Variants in OSBPL1A observed in about 807,000 individuals in gnomAD.
OSBPL1A encodes oxysterol binding protein like 1A.
Under a neutral mutation model 137.1 loss-of-function variants are expected in OSBPL1A, and 80 were observed. That is an observed-to-expected ratio of 0.58 (90% CI 0.49 to 0.70). OSBPL1A has a LOEUF of 0.70. Ranked by LOEUF, OSBPL1A falls within the 30% of genes least tolerant of loss-of-function variation. OSBPL1A has a pLI of 0.00. For missense variants in OSBPL1A, 970 were observed against 1,129.4 expected (o/e 0.86, Z 2.02); for synonymous variants, 365 against 389.7 (o/e 0.94, Z 0.75).
At chr18:24,171,880 T>G (rs1177569512) in intron 22 of OSBPL1A, among the ~76,000 whole-genome samples, 1 of 152,066 alleles carries the variant, frequency 6.6e-6, no homozygotes, top group Non-Finnish European at 1.5e-5. Flanking sequence ...GAGACTTTAA[T>G]GAACCCTCTT....
At chr18:24,222,369 A>G (rs1422292732) in intron 17 of OSBPL1A, among the ~76,000 whole-genome samples, 2 of 152,160 alleles carry the variant, frequency 1.3e-5, no homozygotes, top group Non-Finnish European at 1.5e-5. Context: ...TCTACCCTGT[A>G]TTTGGCGGCA....
intron 17 of OSBPL1A, among the ~76,000 whole-genome samples, chr18:24,211,663 TAA>T (rs55928349): frequency 6.9e-5 from 10 of 144,128 alleles, no homozygotes; most frequent in African/African-American, 1.0e-4. Context: ...ACAAGGCAGT[TAA>T]AAAAAAAAAA....
At chr18:24,325,552 C>A (rs559893093) in intron 7 of OSBPL1A, among the ~76,000 whole-genome samples, 3 of 152,218 alleles carry the variant, frequency 2.0e-5, no homozygotes, top group Non-Finnish European at 4.4e-5. Flanking sequence ...CTTTGCATCC[C>A]TTCTAAGATA....
chr18:24,175,126 A>ACG, intron 21 of OSBPL1A, among the ~76,000 whole-genome samples: 2 of 132,522 alleles, frequency 1.5e-5, no homozygotes, highest in African/African-American at 6.4e-5. Flanking sequence ...ATATATATAT[A>ACG]TATATATATA....
chr18:24,247,881 C>A (rs2088950895), intron 15 of OSBPL1A, among the ~76,000 whole-genome samples: 1 of 152,008 alleles, frequency 6.6e-6, no homozygotes, highest in African/African-American at 2.4e-5. Flanking sequence ...AGGGCAGTTG[C>A]TGGAAGGGGT....
chr18:24,336,572 T>C (rs544348569), intron 5 of OSBPL1A, among the ~76,000 whole-genome samples: 8 of 152,388 alleles, frequency 5.2e-5, no homozygotes, highest in African/African-American at 1.9e-4. Context: ...TTTCTGCATA[T>C]ACTTTATATC....
At chr18:24,201,361 G>A (rs747756120) in intron 17 of OSBPL1A, among the ~76,000 whole-genome samples, 1 of 152,218 alleles carries the variant, frequency 6.6e-6, no homozygotes, top group Non-Finnish European at 1.5e-5. Context: ...CATTAAAGAA[G>A]TGTTGACTAA....
chr18:24,211,896 G>A (rs187215294), intron 17 of OSBPL1A, among the ~76,000 whole-genome samples: 24 of 130,910 alleles, frequency 1.8e-4, no homozygotes, highest in Non-Finnish European at 3.4e-4. Flanking sequence ...GCAACAGAGC[G>A]AAACTCCATC....
chr18:24,229,178 G>C (rs141108528), intron 16 of OSBPL1A, among the ~76,000 whole-genome samples: 153 of 152,282 alleles, frequency 1.0e-3, no homozygotes, highest in African/African-American at 3.6e-3. Flanking sequence ...CTCCAGCCTG[G>C]GAGAGACAGC....
intron 4 of OSBPL1A, among the ~76,000 whole-genome samples, chr18:24,346,721 C>T (rs778202168): frequency 2.6e-5 from 4 of 152,004 alleles, no homozygotes; most frequent in Admixed American, 6.6e-5. Flanking sequence ...AATGAATATT[C>T]GAGTCATTTC....
chr18:24,376,234 A>G (rs1405161232), intron 2 of OSBPL1A, among the ~76,000 whole-genome samples: 1 of 151,992 alleles, frequency 6.6e-6, no homozygotes, highest in Non-Finnish European at 1.5e-5. Flanking sequence ...GCTGATTGGT[A>G]CCTTTACAAT....
At chr18:24,270,476 G>C (rs960429739) in intron 15 of OSBPL1A, among the ~76,000 whole-genome samples, 6 of 152,188 alleles carry the variant, frequency 3.9e-5, no homozygotes, top group Non-Finnish European at 5.9e-5. Context: ...ACCTTTAAAG[G>C]GTTTTTAAAG....
intron 13 of OSBPL1A, among the ~76,000 whole-genome samples, chr18:24,308,411 G>A (rs551633220): frequency 2.6e-5 from 4 of 151,716 alleles, no homozygotes; most frequent in Admixed American, 2.0e-4. Context: ...TTTAAGATGG[G>A]GATTCGCCAT....
At position 24,397,823 on chromosome 18, in the gene OSBPL1A, A is replaced by C. The variant is rs554026330; in HGVS notation, c.-171T>G. The C allele has an allele frequency of 6.6e-6, 1 of 152,268 alleles. No homozygotes were observed. Among genetic ancestry groups the C allele is most frequent in the Non-Finnish European group, 1.5e-5 (1 of 68,134 alleles). The allele number at this position is 152,268 out of a possible 1,614,324, so 9.4% of individuals were successfully genotyped here. ...GTCTCCGGGACCCGGCGCCGGGACC[A>C]CGGCGGAGCGCGAGGTGGCGCCGCC... is the stretch of plus-strand genomic sequence containing the variant. On this transcript the variant is annotated 5_prime_UTR_variant, in exon 1 of 28. Transcript: ENST00000319481.
chr18:24,178,173 T>C lies in OSBPL1A; in HGVS notation c.1933A>G (p.Ile645Val). ...LVRDDLGFRL[I>V]SEQVSHHPPI... is the part of the protein sequence containing the mutation. ...GGGTGATGGCTGACCTGTTCGGAGA[T>C]GAGTCTAAATCCAAGGTCATCTCTT... The change falls in exon 21 of 28, where the codon ATC becomes GTC. Residue 645 changes from isoleucine (I) to valine (V), a missense_variant. This residue lies in a region of OSBPL1A where 323 missense variants were observed against 456.8 expected (regional missense o/e 0.71). Coordinates refer to ENST00000319481, the MANE Select transcript of OSBPL1A (RefSeq NM_080597.4). 6.3e-7 allele frequency: 1 copy of C among 1,586,370 alleles called. No individual in the cohort carries two copies. The highest frequency in any genetic ancestry group is 2.3e-5 in the East Asian group (1 of 44,382).
At chr18:24,253,303 C>CA (rs921427505) in intron 15 of OSBPL1A, among the ~76,000 whole-genome samples, 1 of 151,322 alleles carries the variant, frequency 6.6e-6, no homozygotes, top group Non-Finnish European at 1.5e-5. Context: ...CCATGGAAAC[C>CA]AAAAAAGAGT....
intron 16 of OSBPL1A, among the ~76,000 whole-genome samples, chr18:24,239,000 G>T (rs2088592572): frequency 1.3e-5 from 2 of 152,186 alleles, no homozygotes; most frequent in Non-Finnish European, 2.9e-5. Context: ...TTCAGTATAG[G>T]CAGAGACTGT....
chr18:24,272,315 C>T (rs1323366482), intron 15 of OSBPL1A: 1 of 973,248 alleles, frequency 1.0e-6, no homozygotes, highest in Non-Finnish European at 1.2e-6. Flanking sequence ...AAGGAATCTT[C>T]TCTCCAGTCC....
At chr18:24,293,257 G>A (rs1187285138) in intron 14 of OSBPL1A, among the ~76,000 whole-genome samples, 2 of 152,132 alleles carry the variant, frequency 1.3e-5, no homozygotes. Flanking sequence ...GCACAGAGGG[G>A]GAAAGGGGAG....
Sources: gnomAD v4.1 joint callset for allele counts (sites outside exome capture counted in the v4.1 genomes callset) on GRCh38, gnomAD v4.1.1 for gene constraint, gnomAD v4.1.1 regional missense constraint, MANE v1.5 for transcripts, NCBI Gene and HGNC (gene_info 2026-07-23, HGNC 2026-07-21) for gene names.